SENP6: variants seen among roughly 807,000 people sequenced by gnomAD.
SENP6 encodes the protein SUMO specific peptidase 6.
SENP6 carries 41 observed loss-of-function variants against 134.5 expected under a neutral mutation model. The ratio of observed to expected loss-of-function variants is 0.30; its 90% confidence interval spans 0.24 to 0.40. The LOEUF (loss-of-function observed/expected upper bound fraction) is 0.40. SENP6 is among the 10% of genes least tolerant of loss of function. SENP6 has a pLI of 1.00. For missense variants in SENP6, 1,248 were observed against 1,312.5 expected, an observed-to-expected ratio of 0.95 and a Z score of 0.76; for synonymous variants, 395 against 429.8, an observed-to-expected ratio of 0.92 and a Z score of 1.00.
At chr6:75,695,467 T>G (rs1774594385) in intron 16 of SENP6, among the ~76,000 whole-genome samples, 1 of 152,252 alleles carries the variant, frequency 6.6e-6, no homozygotes, top group Non-Finnish European at 1.5e-5. Flanking sequence ...CCGGGCGCCA[T>G]GGCTCACGCC....
chr6:75,676,169 C>T, intron 13 of SENP6, 115 bp downstream of exon 13: 1 of 556,510 alleles, frequency 1.8e-6, no homozygotes, highest in East Asian at 3.3e-5. Flanking sequence ...ATATTATCTA[C>T]AATTGTCACA....
At chr6:75,701,378 C>T (rs531534444) in intron 18 of SENP6, among the ~76,000 whole-genome samples, 1 of 152,286 alleles carries the variant, frequency 6.6e-6, no homozygotes, top group East Asian at 1.9e-4. Context: ...TCATAAGCAC[C>T]TACTTGATAG....
chr6:75,698,229 G>A (rs1489395183), intron 18 of SENP6, among the ~76,000 whole-genome samples: 3 of 152,144 alleles, frequency 2.0e-5, no homozygotes, highest in Non-Finnish European at 4.4e-5. Flanking sequence ...ACAGAATCTG[G>A]GCTTTCCTTG....
At chr6:75,680,724 A>G (rs1382926929) in intron 16 of SENP6, among the ~76,000 whole-genome samples, 1 of 152,188 alleles carries the variant, frequency 6.6e-6, no homozygotes, top group Admixed American at 6.5e-5. Context: ...CCTGAACTCC[A>G]TTAGAGATGG....
chr6:75,675,088 A>G (rs938182490), intron 11 of SENP6, among the ~76,000 whole-genome samples: 1 of 152,160 alleles, frequency 6.6e-6, no homozygotes, highest in Non-Finnish European at 1.5e-5. Flanking sequence ...AAGGACCTTC[A>G]GTGATGGGAA....
chr6:75,687,524 A>G (rs1197882401), intron 16 of SENP6, among the ~76,000 whole-genome samples: 1 of 152,148 alleles, frequency 6.6e-6, no homozygotes. Context: ...GTTTCTCCCC[A>G]TCTTTGTGGT....
In SENP6 at chr6:75,622,708, T is replaced by G. The variant is rs1051627973; in HGVS notation, c.146+1083T>G. ...AACTATAAATATGTTAAAGAAATTT[T>G]TATACAAGAAGTCATTCAGAATATA... On this transcript the variant is annotated intron_variant, in intron 2 of 23. Transcript: ENST00000447266. The G allele has an allele frequency of 3.0e-6, 3 of 1,004,048 alleles. No homozygotes were observed. In the African/African-American group the frequency reaches 5.0e-5, roughly 17 times the overall value. 62.2% of individuals were successfully genotyped at this position (1,004,048 alleles called of 1,614,324 possible). A position where few individuals can be genotyped will look rare whatever the true frequency, so the allele number is the denominator to read the frequency against.
intron 21 of SENP6, among the ~76,000 whole-genome samples, chr6:75,711,716 A>C (rs965758128): frequency 2.0e-5 from 3 of 152,204 alleles, no homozygotes; most frequent in Non-Finnish European, 4.4e-5. Flanking sequence ...TCTGTCGCCC[A>C]GGCTGGAGTG....
chr6:75,641,584 G>C (rs1770030951), intron 6 of SENP6, among the ~76,000 whole-genome samples: 1 of 152,118 alleles, frequency 6.6e-6, no homozygotes, highest in Non-Finnish European at 1.5e-5. Context: ...GAGGATATTT[G>C]AATGGTATAA....
intron 9 of SENP6, among the ~76,000 whole-genome samples, chr6:75,666,211 T>A (rs1772222806): frequency 6.9e-6 from 1 of 145,050 alleles, no homozygotes; most frequent in Admixed American, 7.0e-5. Context: ...ATATGATATA[T>A]ATAAGTATGA....
rs764400734 is a variant in SENP6 at position 75,629,522 on chromosome 6, A to T, written c.208-4059A>T. ...ACCATGGTGGCCAGGCTGGTCTCGA[A>T]CTCCAGACCTCAGGTGATCCGCCCA... On this transcript the variant is annotated intron_variant, in intron 3 of 23. Transcript: ENST00000447266. Among the ~76,000 whole-genome samples, 3 of 151,818 alleles carry T rather than the reference A, an allele frequency of 2.0e-5. No individual in the cohort carries two copies. The East Asian group carries it at 5.8e-4, about 30-fold the overall frequency.
chr6:75,709,472 A>C, intron 19 of SENP6, 55 bp from the exon 20 acceptor site: 1 of 1,203,312 alleles, frequency 8.3e-7, no homozygotes, highest in East Asian at 2.4e-5. Flanking sequence ...AGCCTCATAT[A>C]CTATGAGTGA....
chr6:75,672,029 G>T (rs116083376), intron 11 of SENP6, among the ~76,000 whole-genome samples: 2,916 of 152,202 alleles, frequency 0.019, 101 homozygotes, highest in African/African-American at 0.066. Context: ...TATATAAATT[G>T]TCTACCCTTT....
At position 75,677,009 on chromosome 6, in the gene SENP6, CTTATAT is replaced by C; in HGVS notation, c.1622-16_1622-11del. 8.5e-7 allele frequency: 1 copy of C among 1,173,352 alleles called. No individual in the cohort carries two copies. Among genetic ancestry groups the C allele is most frequent in the Non-Finnish European group, 1.2e-6 (1 of 816,156 alleles). The allele number at this position is 1,173,352 out of a possible 1,614,324, so 72.7% of individuals were successfully genotyped here. On this transcript the variant is annotated splice_polypyrimidine_tract_variant and intron_variant, in intron 13 of 23. Coordinates refer to ENST00000447266, the MANE Select transcript of SENP6 (RefSeq NM_015571.4). ...TACTTCTTTTGTGTTTTTTTTTGGA[CTTATAT>C]TTATTTCTTTTCAGATTTAGAAGAA...
At chr6:75,612,802 C>G (rs1365115872) in intron 1 of SENP6, among the ~76,000 whole-genome samples, 1 of 152,130 alleles carries the variant, frequency 6.6e-6, no homozygotes, top group East Asian at 1.9e-4. Flanking sequence ...AAAGGATACC[C>G]TAGGTCAGGT....
chr6:75,675,681 A>G, intron 12 of SENP6, 179 bp from the exon 13 acceptor site: 2 of 794,052 alleles, frequency 2.5e-6, no homozygotes, highest in East Asian at 2.7e-5. Context: ...TGGAAAAAAT[A>G]AAAAAGTTTC....
intron 7 of SENP6, among the ~76,000 whole-genome samples, chr6:75,649,223 A>G (rs1051306297): frequency 6.6e-6 from 1 of 151,924 alleles, no homozygotes; most frequent in Admixed American, 6.6e-5. Flanking sequence ...GCTGAGACAC[A>G]AGAATCGCTT....
Position 75,658,992 on chromosome 6 carries a change from AAAAAAAAAG to A in SENP6, c.551-269_551-261del, listed in dbSNP as rs1321136255. Among the ~76,000 whole-genome samples the A allele has an allele frequency of 3.6e-3, 542 of 150,148 alleles. 6 individuals are homozygous for A. The highest frequency in any genetic ancestry group is 4.6e-3 in the Non-Finnish European group (311 of 67,416). The stretch of plus-strand genomic sequence containing the variant: ...GTCTCCCCAAAAAAAAAAAAAAAAA[AAAAAAAAAG>A]GGGAATTGTGAGTATGTGAGTGGTT... On this transcript the variant is annotated intron_variant, in intron 7 of 23. Transcript: ENST00000447266.
At chr6:75,712,899 G>A (rs1775831344) in intron 21 of SENP6, among the ~76,000 whole-genome samples, 3 of 152,026 alleles carry the variant, frequency 2.0e-5, no homozygotes, top group Non-Finnish European at 4.4e-5. Flanking sequence ...GAGCCCAGGA[G>A]TTCTATACCA....
Sources: allele counts gnomAD v4.1 joint callset (sites outside exome capture counted in the v4.1 genomes callset), GRCh38; gene constraint gnomAD v4.1.1; transcripts MANE v1.5; gene names NCBI Gene and HGNC (gene_info 2026-07-23, HGNC 2026-07-21).